The following ZNF365 variants were observed in gnomAD, a reference collection of about 807,000 sequenced individuals.
ZNF365 encodes protein ZNF365.
ZNF365 carries 22 observed loss-of-function variants against 35.0 expected under a neutral mutation model. The observed-to-expected ratio is 0.63, with a 90% CI of 0.45 to 0.90. The LOEUF is 0.90. Among genes scored for constraint, ZNF365 ranks in the 40% least tolerant of loss-of-function variants. The probability of loss-of-function intolerance (pLI) is 0.00; values close to 1 mark genes in which losing one functional copy is unlikely to be tolerated. For synonymous variants in ZNF365, 188 were observed against 196.2 expected, an observed-to-expected ratio of 0.96 and a Z score of 0.35; for missense variants, 448 against 500.3, an observed-to-expected ratio of 0.90 and a Z score of 1.00.
At chr10:62,440,105 T>C (rs1840471980) in intron 3 of ZNF365, among the ~76,000 whole-genome samples, 3 of 152,210 alleles carry the variant, frequency 2.0e-5, no homozygotes, top group African/African-American at 7.2e-5. Context: ...TGCACGTATG[T>C]CAGAGGATAC....
At chr10:62,465,432 G>A (rs1464784358) in intron 4 of ZNF365, among the ~76,000 whole-genome samples, 2 of 152,174 alleles carry the variant, frequency 1.3e-5, no homozygotes, top group African/African-American at 2.4e-5. Context: ...GAAGGGGTGT[G>A]TCCCTAGTGA....
intron 4 of ZNF365, among the ~76,000 whole-genome samples, chr10:62,473,137 T>C (rs1000062250): frequency 2.0e-5 from 3 of 152,248 alleles, no homozygotes; most frequent in African/African-American, 7.2e-5. Flanking sequence ...AGAACTGTTT[T>C]CTGGGTAGAT....
Position 62,399,910 on chromosome 10 carries a change from A to G in ZNF365, c.*121A>G. ...GACACATTGGAAAAGCCAAGGGCAT[A>G]ACACAGGCAAGCACCTCAATTAACC... On this transcript the variant is annotated 3_prime_UTR_variant, in exon 5 of 5. Coordinates refer to ENST00000395254, the MANE Select transcript of ZNF365 (RefSeq NM_014951.3). The G allele has an allele frequency of 7.0e-7, 1 of 1,435,060 alleles. No individual in the cohort carries two copies. Among genetic ancestry groups the G allele is most frequent in the Non-Finnish European group, 9.1e-7 (1 of 1,093,242 alleles). 88.9% of individuals were successfully genotyped at this position (1,435,060 alleles called of 1,614,324 possible). A position where few individuals can be genotyped will look rare whatever the true frequency, so the allele number is the denominator to read the frequency against.
intron 3 of ZNF365, among the ~76,000 whole-genome samples, chr10:62,448,859 A>T (rs879368304): frequency 0.02 from 3,034 of 152,334 alleles, 98 homozygotes; most frequent in African/African-American, 0.064. Flanking sequence ...AAAAAAGAAT[A>T]ACCTCAATAT....
In ZNF365 at chr10:62,437,492, A is replaced by G. The variant is rs142228488; in HGVS notation, c.925-22249A>G. On this transcript the variant is annotated intron_variant, in intron 3 of 4. Coordinates refer to the ZNF365 transcript ENST00000395255. ...TAAATAGCTATTTTAATTCTTTCTC[A>G]GGAAGGGATTTCATAAGGAATTGTA... Among the ~76,000 whole-genome samples the G allele has an allele frequency of 8.7e-3, 1,323 of 152,318 alleles. 80 individuals are homozygous for G. The highest frequency in any genetic ancestry group is 0.078 in the Admixed American group (1,189 of 15,302).
intron 4 of ZNF365, among the ~76,000 whole-genome samples, chr10:62,399,220 A>C (rs866322161): frequency 6.6e-6 from 1 of 152,214 alleles, no homozygotes; most frequent in African/African-American, 2.4e-5. Flanking sequence ...TTCTGGTCCC[A>C]TCTTCTCCAT....
intron 3 of ZNF365, among the ~76,000 whole-genome samples, chr10:62,407,751 A>G (rs1839926128): frequency 1.3e-5 from 2 of 152,168 alleles, no homozygotes; most frequent in African/African-American, 4.8e-5. Context: ...TCCTTCTTTT[A>G]GCCTGCATCT....
At chr10:62,403,542 C>T (rs1238295993), downstream of ZNF365, among the ~76,000 whole-genome samples, 2 of 152,178 alleles carry the variant, frequency 1.3e-5, no homozygotes, top group Non-Finnish European at 2.9e-5. Context: ...CCTGTAGTCC[C>T]AGCTACTCAG....
intron 3 of ZNF365, among the ~76,000 whole-genome samples, chr10:62,450,738 A>G (rs1840668241): frequency 6.6e-6 from 1 of 152,262 alleles, no homozygotes. Context: ...CTGATATGGC[A>G]TATGGATATA....
intron 3 of ZNF365, among the ~76,000 whole-genome samples, chr10:62,444,634 C>A (rs1275321705): frequency 2.0e-5 from 3 of 152,120 alleles, no homozygotes; most frequent in East Asian, 3.9e-4. Context: ...GGAATGAATT[C>A]TTTCCTGCAT....
intron 3 of ZNF365, among the ~76,000 whole-genome samples, chr10:62,454,856 G>A (rs1279027675): frequency 1.3e-5 from 2 of 152,202 alleles, no homozygotes; most frequent in African/African-American, 4.8e-5. Flanking sequence ...TTGCTGTTCA[G>A]TAGAACAGGC....
intron 3 of ZNF365, among the ~76,000 whole-genome samples, chr10:62,432,919 C>A (rs1431057455): frequency 6.6e-6 from 1 of 152,188 alleles, no homozygotes; most frequent in African/African-American, 2.4e-5. Context: ...ACATGGAGAT[C>A]TTTCCCAGTA....
intron 3 of ZNF365, among the ~76,000 whole-genome samples, chr10:62,420,565 A>G (rs1205101319): frequency 1.3e-5 from 2 of 152,198 alleles, no homozygotes; most frequent in African/African-American, 4.8e-5. Context: ...CTAAGAAATA[A>G]AGGAAAGTAA....
chr10:62,411,751 G>T (rs1839988414), intron 3 of ZNF365, among the ~76,000 whole-genome samples: 1 of 151,998 alleles, frequency 6.6e-6, no homozygotes, highest in African/African-American at 2.4e-5. Flanking sequence ...GGATTGTCTT[G>T]GCTATTTGGG....
At chr10:62,472,715 G>C (rs796423837) in intron 4 of ZNF365, among the ~76,000 whole-genome samples, 5 of 152,256 alleles carry the variant, frequency 3.3e-5, no homozygotes, top group African/African-American at 1.2e-4. Context: ...TTGTGATGAT[G>C]GCAGCCCTAG....
At chr10:62,429,164 A>G (rs953512129) in intron 3 of ZNF365, among the ~76,000 whole-genome samples, 6 of 152,126 alleles carry the variant, frequency 3.9e-5, no homozygotes, top group Non-Finnish European at 4.4e-5. Context: ...CTCCATTTAA[A>G]CCAGGGATGC....
intron 2 of ZNF365, among the ~76,000 whole-genome samples, chr10:62,381,637 T>TA (rs1444674778): frequency 6.6e-6 from 1 of 152,180 alleles, no homozygotes; most frequent in African/African-American, 2.4e-5. Flanking sequence ...AGCTGGCATC[T>TA]GAGGTGTTGG....
chr10:62,479,782 C>G, intron 4 of ZNF365: 3 of 860,992 alleles, frequency 3.5e-6, no homozygotes, highest in South Asian at 1.4e-5. Flanking sequence ...TTGCCAGGAC[C>G]CATGGTTGAA....
rs74636402 is a variant in ZNF365, at chr10:62,409,910, C to T, written c.924+21334C>T. On this transcript the variant is annotated intron_variant, in intron 3 of 4. Coordinates refer to the ZNF365 transcript ENST00000395255. ...TAGCTGGTGAAGTTTTCTGAACCATCAGGGCCAATCCCATCTGAGCTATCA... is the reference window on the plus strand; with the variant it reads ...TAGCTGGTGAAGTTTTCTGAACCATTAGGGCCAATCCCATCTGAGCTATCA... Among the ~76,000 whole-genome samples the T allele has an allele frequency of 7.9e-5, 12 of 152,214 alleles. No individual in the cohort carries two copies. In the East Asian group the frequency reaches 2.3e-3, roughly 29 times the overall value.
Sources: allele counts gnomAD v4.1 joint callset (sites outside exome capture counted in the v4.1 genomes callset), GRCh38; gene constraint gnomAD v4.1.1; transcripts MANE v1.5; gene names NCBI Gene and HGNC (gene_info 2026-07-23, HGNC 2026-07-21).